PCDHGA5: variants seen among roughly 807,000 people sequenced by gnomAD.
PCDHGA5 encodes the protein protocadherin gamma-A5.
A neutral mutation model predicts 56.7 loss-of-function variants in PCDHGA5; 36 were observed. That is an observed-to-expected ratio of 0.64 (90% CI 0.49 to 0.84). The LOEUF (loss-of-function observed/expected upper bound fraction) is 0.84, where lower values mean the gene tolerates loss of function less well. Among genes scored for constraint, PCDHGA5 ranks in the 40% least tolerant of loss-of-function variants. The probability of loss-of-function intolerance (pLI) is 0.00; values close to 1 mark genes in which losing one functional copy is unlikely to be tolerated. For missense variants in PCDHGA5, 1,305 were observed against 1,201.5 expected, an observed-to-expected ratio of 1.09 and a Z score of -1.27; for synonymous variants, 563 against 520.2, an observed-to-expected ratio of 1.08 and a Z score of -1.12.
intron 1 of PCDHGA5, chr5:141,376,551 C>T: frequency 6.2e-7 from 1 of 1,611,758 alleles, no homozygotes; most frequent in South Asian, 1.1e-5. Flanking sequence ...TCTGATCTTC[C>T]CGCAACCCAA....
At position 141,432,480 on chromosome 5, in the gene PCDHGA5, G is replaced by C; in HGVS notation, c.2422-62327G>C. ...GCCCTCCCCACGGACGGTTCCACTGGCGTGGAGCTGGCTCCCCGCTCCGCA... is the reference window on the plus strand; with the variant it reads ...GCCCTCCCCACGGACGGTTCCACTGCCGTGGAGCTGGCTCCCCGCTCCGCA... On this transcript the variant is annotated intron_variant, in intron 1 of 3. Coordinates refer to ENST00000518069, the MANE Select transcript of PCDHGA5 (RefSeq NM_018918.3). The surrounding 1 kb of genome is among the most constrained non-coding windows in gnomAD (Gnocchi z 6.0). 6 of 1,614,180 alleles carry C rather than the reference G, an allele frequency of 3.7e-6. No homozygotes were observed. Among genetic ancestry groups the C allele is most frequent in the Non-Finnish European group, 5.1e-6 (6 of 1,180,044 alleles).
At chr5:141,402,884 T>G in intron 1 of PCDHGA5, 1 of 1,481,582 alleles carries the variant, frequency 6.7e-7, no homozygotes, top group Non-Finnish European at 9.0e-7. Flanking sequence ...CTTTGCAGGG[T>G]GGAAGAAAGA....
intron 1 of PCDHGA5, chr5:141,383,132 A>G: frequency 1.2e-6 from 2 of 1,614,110 alleles, no homozygotes; most frequent in Non-Finnish European, 1.7e-6. Context: ...TTCGCCCTGA[A>G]CCAGCGCAGC....
intron 2 of PCDHGA5, among the ~76,000 whole-genome samples, chr5:141,499,800 C>A (rs2099794584): frequency 6.6e-6 from 1 of 150,704 alleles, no homozygotes; most frequent in Admixed American, 6.7e-5. Context: ...AATTCTCATG[C>A]TTCAGCCTCC....
chr5:141,409,195 T>G lies in PCDHGA5; in HGVS notation c.2421+42444T>G, dbSNP rs750681435. 3.7e-6 allele frequency: 6 copies of G among 1,613,890 alleles called. No homozygotes were observed. The African/African-American group carries it at 8.0e-5, about 22-fold the overall frequency. On this transcript the variant is annotated intron_variant, in intron 1 of 3. Transcript: ENST00000518069. Reference sequence around the variant, plus strand: ...ACGGAGGTGGTCTCTCTACCCAGTGTAAAGTAATCATAGAAATCCTTGATG... The same window carrying G: ...ACGGAGGTGGTCTCTCTACCCAGTGGAAAGTAATCATAGAAATCCTTGATG...
Position 141,365,046 on chromosome 5 carries a change from C to A in PCDHGA5, c.716C>A (p.Ala239Glu), listed in dbSNP as rs753242901. The A allele has an allele frequency of 6.2e-7, 1 of 1,613,884 alleles. No individual in the cohort carries two copies. The highest frequency in any genetic ancestry group is 1.7e-5 in the Admixed American group (1 of 60,030). The change falls in exon 1 of 4, where the codon GCG becomes GAG. Residue 239 changes from alanine to glutamate, a missense_variant. Physicochemically the swap from Ala to Glu is moderately radical, Grantham distance 107 (BLOSUM62 -1). Transcript: ENST00000518069. ...RVTVLDANDN[A>E]PLFTPSEYSV... ...ACGGTCCTCGACGCAAACGACAATG[C>A]GCCCCTGTTCACCCCATCCGAGTAC... is the stretch of plus-strand genomic sequence containing the variant.
At chr5:141,440,443 T>A (rs979101512) in intron 1 of PCDHGA5, 2 of 152,152 alleles carry the variant, frequency 1.3e-5, no homozygotes, top group Admixed American at 1.3e-4. Flanking sequence ...CAAGGCGCCA[T>A]CTCAAAAAAA....
intron 1 of PCDHGA5, chr5:141,415,308 C>T: frequency 6.2e-7 from 1 of 1,614,236 alleles, no homozygotes; most frequent in Non-Finnish European, 8.5e-7. Flanking sequence ...TCCTGGCCTT[C>T]GTCATCGTGC....
At position 141,483,010 on chromosome 5, in the gene PCDHGA5, G is replaced by A. The variant is rs574078222; in HGVS notation, c.2422-11797G>A. Among the ~76,000 whole-genome samples the A allele has an allele frequency of 1.3e-3, 204 of 152,122 alleles. 1 individual carries two copies. Among genetic ancestry groups the A allele is most frequent in the African/African-American group, 4.0e-3 (168 of 41,498 alleles). On this transcript the variant is annotated intron_variant, in intron 1 of 3. Coordinates refer to ENST00000518069, the MANE Select transcript of PCDHGA5 (RefSeq NM_018918.3). Reference sequence around the variant, plus strand: ...CGAGGCAGGAGAATTGCTTGAACCCGGGAGGCAGAGGTTGCAATGAGCTGG... The same window carrying A: ...CGAGGCAGGAGAATTGCTTGAACCCAGGAGGCAGAGGTTGCAATGAGCTGG...
rs955615446 is a variant in PCDHGA5 at position 141,420,343 on chromosome 5, ATTATT to A, written c.2421+53596_2421+53600del. Reference sequence around the variant, plus strand: ...TGCCAATATATTCCAATATAGTGGTATTATTTTAAGATTCTAGATAACTTCTTCAT... The same window carrying A: ...TGCCAATATATTCCAATATAGTGGTATTAAGATTCTAGATAACTTCTTCAT... On this transcript the variant is annotated intron_variant, in intron 1 of 3. Transcript: ENST00000518069. 8 of 1,394,426 alleles carry A rather than the reference ATTATT, an allele frequency of 5.7e-6. No homozygotes were observed. In the African/African-American group the frequency reaches 1.2e-4, roughly 20 times the overall value. 86.4% of individuals were successfully genotyped at this position (1,394,426 alleles called of 1,614,324 possible).
At chr5:141,478,926 G>A in intron 1 of PCDHGA5, 1 of 687,216 alleles carries the variant, frequency 1.5e-6, no homozygotes, top group Non-Finnish European at 2.3e-6. Flanking sequence ...CTAACCAGTG[G>A]CAGCTTCTAG....
chr5:141,425,834 C>A (rs925446924), intron 1 of PCDHGA5, among the ~76,000 whole-genome samples: 1 of 152,220 alleles, frequency 6.6e-6, no homozygotes, highest in Non-Finnish European at 1.5e-5. Context: ...CTTTTAAATT[C>A]TCTTTGCTGG....
At chr5:141,371,965 A>T (rs746190919) in intron 1 of PCDHGA5, 1 of 1,613,282 alleles carries the variant, frequency 6.2e-7, no homozygotes, top group South Asian at 1.1e-5. Context: ...GACCACGAGC[A>T]GCTGCGTGCC....
In PCDHGA5 at chr5:141,505,419, C is replaced by G. The variant is rs1303924776; in HGVS notation, c.2507C>G (p.Thr836Ser). 6 of 1,614,140 alleles carry G rather than the reference C, an allele frequency of 3.7e-6. No individual in the cohort carries two copies. The highest frequency in any genetic ancestry group is 4.2e-6 in the Non-Finnish European group (5 of 1,180,062). Residue 836 changes from threonine to serine, a missense_variant, in exon 3 of 4, where the codon ACC becomes AGC. Thr to Ser is a moderately conservative substitution (Grantham distance 58). Coordinates refer to ENST00000518069, the MANE Select transcript of PCDHGA5 (RefSeq NM_018918.3). ...SGSQNGDDTGTWPNNQFDTEM... is the reference protein window; with the variant it reads ...SGSQNGDDTGSWPNNQFDTEM... ...TCCCAAAATGGCGATGACACCGGCACCTGGCCCAACAACCAGTTTGACACA... is the reference window on the plus strand; with the variant it reads ...TCCCAAAATGGCGATGACACCGGCAGCTGGCCCAACAACCAGTTTGACACA...
Position 141,432,849 on chromosome 5 carries a change from T to G in PCDHGA5, c.2422-61958T>G. The G allele has an allele frequency of 1.2e-6, 2 of 1,614,194 alleles. No homozygotes were observed. The highest frequency in any genetic ancestry group is 2.2e-5 in the South Asian group (2 of 91,092). ...CTCACTCTGTACCTGGTGGTAGCGG[T>G]GGCCGCGGTCTCCTGCGTCTTCCTG... On this transcript the variant is annotated intron_variant, in intron 1 of 3. Coordinates refer to ENST00000518069, the MANE Select transcript of PCDHGA5 (RefSeq NM_018918.3). This position sits in a 1 kb window ranked among gnomAD's most constrained non-coding sequence, Gnocchi z 6.0.
chr5:141,392,242 G>A (rs1294476832), intron 1 of PCDHGA5: 1 of 152,134 alleles, frequency 6.6e-6, no homozygotes, highest in African/African-American at 2.4e-5. Context: ...TTAGTTATTT[G>A]TTAGTATATA....
chr5:141,409,647 G>A, intron 1 of PCDHGA5: 2 of 1,613,668 alleles, frequency 1.2e-6, no homozygotes, highest in Non-Finnish European at 1.7e-6. Context: ...CCGGATTTGG[G>A]GCTCAATGGC....
At chr5:141,415,095 C>A (rs1045755927) in intron 1 of PCDHGA5, 2 of 1,613,466 alleles carry the variant, frequency 1.2e-6, no homozygotes, top group East Asian at 2.2e-5. Flanking sequence ...TGGACAGAGA[C>A]GCGCTCAAGC....
intron 2 of PCDHGA5, among the ~76,000 whole-genome samples, chr5:141,501,294 C>CAT (rs200497585): frequency 0.16 from 9,924 of 62,810 alleles, 350 homozygotes; most frequent in Non-Finnish European, 0.25. Flanking sequence ...CCCTTATACA[C>CAT]ACACACACAC....
Sources: gnomAD v4.1 joint callset for allele counts (sites outside exome capture counted in the v4.1 genomes callset) on GRCh38, gnomAD v4.1.1 for gene constraint, Gnocchi (gnomAD v3.1) non-coding constraint, MANE v1.5 for transcripts, NCBI Gene and HGNC (gene_info 2026-07-23, HGNC 2026-07-21) for gene names.